UBTD1: variants seen among roughly 807,000 people sequenced by gnomAD.
UBTD1 encodes the protein ubiquitin domain-containing protein 1.
A neutral mutation model predicts 21.7 loss-of-function variants in UBTD1; 19 were observed. The observed-to-expected ratio is 0.87, with a 90% CI of 0.61 to 1.28. The LOEUF (loss-of-function observed/expected upper bound fraction) is 1.28, where lower values mean the gene tolerates loss of function less well. Among genes scored for constraint, UBTD1 ranks in the 50% most tolerant of loss-of-function variants. The probability of loss-of-function intolerance (pLI) is 0.00; values close to 1 mark genes in which losing one functional copy is unlikely to be tolerated. For missense variants in UBTD1, 282 were observed against 315.1 expected (o/e 0.89, Z 0.80); for synonymous variants, 116 against 135.1 (o/e 0.86, Z 0.98).
chr10:97,528,419 C>T (rs2040504311), intron 1 of UBTD1, among the ~76,000 whole-genome samples: 1 of 91,160 alleles, frequency 1.1e-5, no homozygotes, highest in African/African-American at 4.3e-5. Context: ...CACCTCCCTC[C>T]CGGACGGGGC....
chr10:97,567,566 G>A (rs927917056), intron 1 of UBTD1, among the ~76,000 whole-genome samples: 13 of 151,952 alleles, frequency 8.6e-5, no homozygotes, highest in African/African-American at 3.1e-4. Context: ...GGCTGAGGCA[G>A]GAGAGTCGCT....
intron 1 of UBTD1, among the ~76,000 whole-genome samples, chr10:97,562,407 G>C (rs993238872): frequency 2.6e-5 from 4 of 152,206 alleles, no homozygotes; most frequent in African/African-American, 9.7e-5. Flanking sequence ...AGTCAGCAAA[G>C]GGTGGTGGCA....
chr10:97,531,367 C>T (rs571254835), intron 1 of UBTD1, among the ~76,000 whole-genome samples: 7 of 151,976 alleles, frequency 4.6e-5, no homozygotes, highest in South Asian at 2.1e-4. Context: ...TGCACCACCA[C>T]GCCTGGCTAA....
intron 1 of UBTD1, among the ~76,000 whole-genome samples, chr10:97,558,591 G>A (rs993057602): frequency 2.6e-5 from 4 of 151,740 alleles, no homozygotes; most frequent in African/African-American, 9.7e-5. Flanking sequence ...CACATAGAGT[G>A]TAAAGAGTTT....
At chr10:97,504,245 G>T (rs1380629899) in intron 1 of UBTD1, among the ~76,000 whole-genome samples, 2 of 152,090 alleles carry the variant, frequency 1.3e-5, no homozygotes, top group South Asian at 4.1e-4. Flanking sequence ...CTTGTCTCCC[G>T]ACAGACTATT....
intron 1 of UBTD1, among the ~76,000 whole-genome samples, chr10:97,524,471 G>T (rs1032861684): frequency 6.6e-6 from 1 of 152,104 alleles, no homozygotes; most frequent in Non-Finnish European, 1.5e-5. Flanking sequence ...CTCCCAAATC[G>T]TAGGGGTTGG....
chr10:97,537,820 C>CTTTT (rs57859135), intron 1 of UBTD1, among the ~76,000 whole-genome samples: 4 of 119,490 alleles, frequency 3.3e-5, no homozygotes, highest in East Asian at 2.4e-4. Context: ...CAGGCTTTCT[C>CTTTT]TTTTTTTTTT....
chr10:97,566,536 G>T (rs2040717716), intron 1 of UBTD1, among the ~76,000 whole-genome samples: 1 of 152,056 alleles, frequency 6.6e-6, no homozygotes, highest in Admixed American at 6.5e-5. Context: ...TGTGACCTGG[G>T]GCAAGTCATT....
chr10:97,531,064 C>T (rs1589874206), intron 1 of UBTD1, among the ~76,000 whole-genome samples: 2 of 151,170 alleles, frequency 1.3e-5, no homozygotes, highest in South Asian at 4.2e-4. Flanking sequence ...ATTTTTTGTA[C>T]TTTTAGTAGA....
intron 1 of UBTD1, among the ~76,000 whole-genome samples, chr10:97,533,271 G>T (rs1052003409): frequency 2.6e-5 from 4 of 152,216 alleles, no homozygotes; most frequent in African/African-American, 9.6e-5. Context: ...GCTGCCCCGG[G>T]TTTGCTGCCT....
intron 1 of UBTD1, among the ~76,000 whole-genome samples, chr10:97,514,181 G>A (rs1589868697): frequency 6.6e-6 from 1 of 152,192 alleles, no homozygotes; most frequent in East Asian, 1.9e-4. Flanking sequence ...CTCAACATCT[G>A]TGAGCAGGCA....
At chr10:97,515,144 C>A (rs568316611) in intron 1 of UBTD1, among the ~76,000 whole-genome samples, 2 of 152,296 alleles carry the variant, frequency 1.3e-5, no homozygotes, top group East Asian at 3.9e-4. Flanking sequence ...GACTTGCTGG[C>A]CTGCATGTTG....
At chr10:97,529,125 G>A (rs1463461206) in intron 1 of UBTD1, among the ~76,000 whole-genome samples, 4 of 151,698 alleles carry the variant, frequency 2.6e-5, no homozygotes, top group East Asian at 1.9e-4. Flanking sequence ...CATCCCAGAC[G>A]GGGCAGCGGG....
chr10:97,534,586 C>CACAG (rs1441536148), intron 1 of UBTD1, among the ~76,000 whole-genome samples: 3 of 29,290 alleles, frequency 1.0e-4, no homozygotes, highest in Non-Finnish European at 6.0e-4. Context: ...CGCGCACACA[C>CACAG]ACACACACAC....
At chr10:97,535,790 C>G (rs1402111214) in intron 1 of UBTD1, among the ~76,000 whole-genome samples, 1 of 151,342 alleles carries the variant, frequency 6.6e-6, no homozygotes, top group African/African-American at 2.4e-5. Context: ...CAGTGGTGCA[C>G]TCCTGTAGTC....
At chr10:97,550,439 G>A (rs2040631448) in intron 1 of UBTD1, among the ~76,000 whole-genome samples, 1 of 152,156 alleles carries the variant, frequency 6.6e-6, no homozygotes, top group African/African-American at 2.4e-5. Flanking sequence ...CCTGGGGTCT[G>A]AGATCAAGAA....
intron 1 of UBTD1, among the ~76,000 whole-genome samples, chr10:97,527,889 CT>C (rs1451553835): frequency 6.6e-6 from 1 of 152,268 alleles, no homozygotes; most frequent in Non-Finnish European, 1.5e-5. Flanking sequence ...ATTTCTCAAT[CT>C]TCCACCTTTC....
intron 1 of UBTD1, among the ~76,000 whole-genome samples, chr10:97,540,917 G>T (rs2040584154): frequency 6.6e-6 from 1 of 152,220 alleles, no homozygotes; most frequent in African/African-American, 2.4e-5. Context: ...CTGGCCAATG[G>T]TGTCAGCTGG....
chr10:97,565,421 A>G (rs1378716741), intron 1 of UBTD1, among the ~76,000 whole-genome samples: 1 of 152,200 alleles, frequency 6.6e-6, no homozygotes, highest in East Asian at 1.9e-4. Flanking sequence ...GGGGGAGTGG[A>G]CATCTCCATG....
Sources: gnomAD v4.1 joint callset for allele counts (sites outside exome capture counted in the v4.1 genomes callset) on GRCh38, gnomAD v4.1.1 for gene constraint, MANE v1.5 for transcripts, NCBI Gene and HGNC (gene_info 2026-07-23, HGNC 2026-07-21) for gene names.